Variants in CUX1 observed in about 807,000 individuals in gnomAD.
CUX1 encodes protein CASP.
A neutral mutation model predicts 158.8 loss-of-function variants in CUX1; 31 were observed. The observed-to-expected ratio is 0.20, with a 90% CI of 0.15 to 0.26. CUX1 has a LOEUF of 0.26. Ranked by LOEUF, CUX1 falls within the 10% of genes least tolerant of loss-of-function variation. The pLI is 1.00. For missense variants in CUX1, 1,589 were observed against 2,014.6 expected, an observed-to-expected ratio of 0.79 and a Z score of 4.04; for synonymous variants, 879 against 862.1, an observed-to-expected ratio of 1.02 and a Z score of -0.34.
chr7:101,936,059 C>G (rs1806892337), intron 2 of CUX1, among the ~76,000 whole-genome samples: 1 of 152,198 alleles, frequency 6.6e-6, no homozygotes, highest in Non-Finnish European at 1.5e-5. Flanking sequence ...GGCCCTGAGG[C>G]TGCAGCAGTG....
Position 102,216,584 on chromosome 7 carries a change from C to CCACACACACACTCTCCCA in CUX1, c.3131-10770_3131-10769insTCCCACACACACACACTC, listed in dbSNP as rs1563424964. 5.4e-5 allele frequency among the ~76,000 whole-genome samples: 3 copies of CCACACACACACTCTCCCA among 55,454 alleles called. 1 individual carries two copies. Among genetic ancestry groups the CCACACACACACTCTCCCA allele is most frequent in the African/African-American group, 2.2e-4 (3 of 13,338 alleles). 36.4% of individuals were successfully genotyped at this position (55,454 alleles called of 152,430 possible). On this transcript the variant is annotated intron_variant, in intron 20 of 23. Transcript: ENST00000292535. ...CACACACTCCCACACACACACTCTCCCACACACACACTCCCACACACACAC... is the reference window on the plus strand; with the variant it reads ...CACACACTCCCACACACACACTCTCCCACACACACACTCTCCCACACACACACACTCCCACACACACAC...
chr7:102,248,770 GC>G lies in CUX1; in HGVS notation c.4251del (p.Glu1418ArgfsTer67), dbSNP rs1554538141. ...ASATATAAPA[A>X]PEDAATSAAA... ...CGCGACCGCCACCGCCGCGCCCGCG[GC>G]CCCCGAGGACGCCGCTACCTCAGCC... On this transcript the variant is annotated frameshift_variant, in exon 24 of 24. Coordinates refer to ENST00000292535, the MANE Select transcript of CUX1 (RefSeq NM_181552.4). LOFTEE classifies it low-confidence loss of function (END_TRUNC). The surrounding 1 kb of genome is among the most constrained non-coding windows in gnomAD (Gnocchi z 5.8). 5 of 1,040,628 alleles carry G rather than the reference GC, an allele frequency of 4.8e-6. No individual in the cohort carries two copies. The highest frequency in any genetic ancestry group is 5.7e-5 in the Admixed American group (1 of 17,616). 64.5% of individuals were successfully genotyped at this position (1,040,628 alleles called of 1,614,324 possible). A position where few individuals can be genotyped will look rare whatever the true frequency, so the allele number is the denominator to read the frequency against.
rs1380278759 is a variant in CUX1 at position 102,052,912 on chromosome 7, A to T, written c.190-17427A>T. ...AACCTCTGCCTCGCAGGTTCAAGCG[A>T]TTCTCCTGCCTCGGCCTCCTGAGTA... On this transcript the variant is annotated intron_variant, in intron 3 of 23. Transcript: ENST00000292535. 5.9e-5 allele frequency among the ~76,000 whole-genome samples: 9 copies of T among 152,126 alleles called. No individual in the cohort carries two copies. In the East Asian group the frequency reaches 1.4e-3, roughly 23 times the overall value.
At chr7:102,110,799 C>G (rs1317251249) in intron 6 of CUX1, among the ~76,000 whole-genome samples, 3 of 152,062 alleles carry the variant, frequency 2.0e-5, no homozygotes, top group Admixed American at 2.0e-4. Context: ...CATATGATGT[C>G]GTATTTCTGT....
At chr7:102,060,271 C>G (rs1427134583) in intron 3 of CUX1, among the ~76,000 whole-genome samples, 2 of 147,244 alleles carry the variant, frequency 1.4e-5, no homozygotes, top group African/African-American at 5.0e-5. Context: ...GAGCGAGACT[C>G]TGTCTCAAAA....
At chr7:102,282,922 C>T (rs58377670) in intron 22 of CUX1, 18 of 895,276 alleles carry the variant, frequency 2.0e-5, no homozygotes, top group South Asian at 8.7e-5. Context: ...CCCCTACTCC[C>T]GGTATCCACT....
intron 1 of CUX1, among the ~76,000 whole-genome samples, chr7:101,888,323 T>A (rs781532271): frequency 5.3e-5 from 8 of 151,906 alleles, no homozygotes; most frequent in Non-Finnish European, 1.0e-4. Context: ...AGAGTGAGGC[T>A]CCGTCTCCAA....
At chr7:102,260,758 T>C (rs369968100), downstream of CUX1, among the ~76,000 whole-genome samples, 11 of 152,164 alleles carry the variant, frequency 7.2e-5, no homozygotes, top group African/African-American at 2.6e-4. Context: ...GAAACACAAT[T>C]GCAGGTAGAC....
At chr7:102,030,479 T>C (rs1820615484) in intron 3 of CUX1, among the ~76,000 whole-genome samples, 1 of 151,876 alleles carries the variant, frequency 6.6e-6, no homozygotes, top group Admixed American at 6.6e-5. Context: ...TAAGGAATTA[T>C]TAGCATTCTC....
chr7:102,213,063 C>G (rs568511839), intron 20 of CUX1, among the ~76,000 whole-genome samples: 19 of 152,058 alleles, frequency 1.2e-4, no homozygotes, highest in Admixed American at 5.2e-4. Flanking sequence ...AGGCTGGCCT[C>G]GAACTCCTGA....
intron 1 of CUX1, among the ~76,000 whole-genome samples, chr7:101,830,403 G>A (rs1359533759): frequency 1.3e-5 from 2 of 152,136 alleles, no homozygotes; most frequent in Non-Finnish European, 2.9e-5. Flanking sequence ...TCTTTTCCTC[G>A]GGGAATTATC....
At position 102,276,454 on chromosome 7, in the gene CUX1, AT is replaced by A. The variant is rs367797032; in HGVS notation, c.1563+1096del. Among the ~76,000 whole-genome samples, 186 of 152,332 alleles carry A rather than the reference AT, an allele frequency of 1.2e-3. 1 individual carries two copies. Among genetic ancestry groups the A allele is most frequent in the African/African-American group, 4.2e-3 (173 of 41,560 alleles). Reference sequence around the variant, plus strand: ...ATAGCTGAGATTACAGGCGTCTGCCATCACACCCAGCTAATTTTTGTATTTT... The same window carrying A: ...ATAGCTGAGATTACAGGCGTCTGCCACACACCCAGCTAATTTTTGTATTTT... On this transcript the variant is annotated intron_variant, in intron 17 of 22. Coordinates refer to the CUX1 transcript ENST00000292538.
At chr7:102,269,442 G>A (rs1791050334) in intron 14 of CUX1, among the ~76,000 whole-genome samples, 3 of 149,290 alleles carry the variant, frequency 2.0e-5, no homozygotes, top group Non-Finnish European at 4.4e-5. Context: ...TTTCACTCTT[G>A]TTGCCCAGGG....
intron 20 of CUX1, among the ~76,000 whole-genome samples, chr7:102,216,596 T>TC (rs1563425131): frequency 2.4e-4 from 2 of 8,236 alleles, no homozygotes; most frequent in East Asian, 0.021. Context: ...ACACACACAC[T>TC]CCCACACACA....
Position 102,220,746 on chromosome 7 carries a change from T to TTCCTCTCCTC in CUX1, c.3131-6620_3131-6611dup, listed in dbSNP as rs148572431. 6.9e-3 allele frequency among the ~76,000 whole-genome samples: 1,047 copies of TTCCTCTCCTC among 152,320 alleles called. 13 individuals carry two copies. The highest frequency in any genetic ancestry group is 0.024 in the African/African-American group (992 of 41,572). ...GCCCATCCCTCCCTCGGGCTCTCCT[T>TTCCTCTCCTC]TCCTCTCCTCCAGGGCTCCCTTGAT... On this transcript the variant is annotated intron_variant, in intron 20 of 23. Transcript: ENST00000292535.
chr7:102,196,962 A>G lies in CUX1; in HGVS notation c.1551A>G (p.Ile517Met). 2 of 1,614,130 alleles carry G rather than the reference A, an allele frequency of 1.2e-6. No homozygotes were observed. The highest frequency in any genetic ancestry group is 1.7e-6 in the Non-Finnish European group (2 of 1,180,018). The part of the protein sequence containing the change: ...FSTGPYSTNS[I>M]SSQSPLQQSP... Reference sequence around the variant, plus strand: ...CAGGTCCATACAGCACAAACTCCATATCTTCCCAAAGTCCATTACAACAAA... The same window carrying G: ...CAGGTCCATACAGCACAAACTCCATGTCTTCCCAAAGTCCATTACAACAAA... The change falls in exon 15 of 24, where the codon ATA becomes ATG. Residue 517 changes from isoleucine (I) to methionine (M), a missense_variant. Ile to Met is a conservative substitution (Grantham distance 10, BLOSUM62 1). Transcript: ENST00000292535.
chr7:102,083,894 T>TTAA (rs1451643772), intron 4 of CUX1, among the ~76,000 whole-genome samples: 5 of 146,644 alleles, frequency 3.4e-5, no homozygotes, highest in African/African-American at 1.2e-4. Context: ...AATGTTTATT[T>TTAA]TATTATTATT....
At chr7:102,273,633 G>T in intron 15 of CUX1, 1 of 1,098,822 alleles carries the variant, frequency 9.1e-7, no homozygotes, top group South Asian at 1.6e-5. Context: ...AAACCATTGG[G>T]TTCTCCCTGC....
intron 5 of CUX1, 150 bp downstream of exon 5, chr7:102,097,651 AAG>A: frequency 1.2e-6 from 1 of 815,950 alleles, no homozygotes; most frequent in South Asian, 1.9e-5. Context: ...TGAGTCGTTA[AAG>A]AGAGATGATA....
Sources: gnomAD v4.1 joint callset for allele counts (sites outside exome capture counted in the v4.1 genomes callset) on GRCh38, gnomAD v4.1.1 for gene constraint, Gnocchi (gnomAD v3.1) non-coding constraint, MANE v1.5 for transcripts, NCBI Gene and HGNC (gene_info 2026-07-23, HGNC 2026-07-21) for gene names.